Variants in SV2C observed in about 807,000 individuals in gnomAD.
SV2C encodes the protein solute carrier family 22 member B3.
A neutral mutation model predicts 79.7 loss-of-function variants in SV2C; 49 were observed. The observed-to-expected ratio is 0.61, with a 90% CI of 0.49 to 0.78. SV2C has a LOEUF of 0.78. Among genes scored for constraint, SV2C ranks in the 30% least tolerant of loss-of-function variants. The pLI, the probability that SV2C is intolerant of heterozygous loss-of-function variation, is 0.00. For synonymous variants in SV2C, 334 were observed against 333.2 expected (o/e 1.00, Z -0.03); for missense variants, 833 against 912.9 (o/e 0.91, Z 1.13).
chr5:76,247,674 A>G (rs1307817808), intron 4 of SV2C, among the ~76,000 whole-genome samples: 1 of 152,208 alleles, frequency 6.6e-6, no homozygotes, highest in Non-Finnish European at 1.5e-5. Flanking sequence ...GGTAATTCTA[A>G]CAATCTATTG....
chr5:75,853,627 A>AAAAAAG, the SV2C span, among the ~76,000 whole-genome samples: 1 of 146,818 alleles, frequency 6.8e-6, no homozygotes, highest in Non-Finnish European at 1.5e-5. Flanking sequence ...AAAAAAAAAA[A>AAAAAAG]AAAAGAATTT....
intron 2 of SV2C, among the ~76,000 whole-genome samples, chr5:76,149,802 A>G (rs1453320908): frequency 1.3e-5 from 2 of 152,178 alleles, no homozygotes; most frequent in Admixed American, 6.5e-5. Context: ...GTCCCTAATC[A>G]CATTTACAGC....
the SV2C span, among the ~76,000 whole-genome samples, chr5:75,927,862 G>A: frequency 6.6e-6 from 1 of 152,126 alleles, no homozygotes; most frequent in African/African-American, 2.4e-5. Flanking sequence ...AATTTCAAAA[G>A]AAAGGGTGAG....
At chr5:76,226,938 C>A (rs558480038) in intron 4 of SV2C, among the ~76,000 whole-genome samples, 1 of 152,010 alleles carries the variant, frequency 6.6e-6, no homozygotes, top group Non-Finnish European at 1.5e-5. Context: ...GGAAGTTAAG[C>A]GGGCCCCACA....
chr5:76,263,997 A>C, intron 4 of SV2C, among the ~76,000 whole-genome samples: 1 of 152,168 alleles, frequency 6.6e-6, no homozygotes, highest in South Asian at 2.1e-4. Context: ...AGGTTGGGGA[A>C]GTTTTCCCTG....
chr5:76,048,830 T>TG, the SV2C span, among the ~76,000 whole-genome samples: 1 of 110,174 alleles, frequency 9.1e-6, no homozygotes, highest in Non-Finnish European at 1.8e-5. Context: ...AAAAAAATTT[T>TG]GGGGCTGTTT....
chr5:76,283,382 T>A (rs1747254576), intron 4 of SV2C, among the ~76,000 whole-genome samples: 1 of 152,176 alleles, frequency 6.6e-6, no homozygotes, highest in Admixed American at 6.5e-5. Flanking sequence ...CTTGCCTTCG[T>A]TGTTTCCCCC....
At chr5:76,307,411 C>A (rs1457016065) in intron 12 of SV2C, among the ~76,000 whole-genome samples, 1 of 152,052 alleles carries the variant, frequency 6.6e-6, no homozygotes, top group Non-Finnish European at 1.5e-5. Flanking sequence ...GAGGGGACTT[C>A]CTTATTATGC....
the SV2C span, chr5:75,910,849 C>A: frequency 1.0e-5 from 12 of 1,205,232 alleles, no homozygotes; most frequent in Non-Finnish European, 1.5e-5. Flanking sequence ...GGGAAATGAG[C>A]AAGCTGAACT....
chr5:76,317,618 C>T (rs1748673952), intron 12 of SV2C, among the ~76,000 whole-genome samples: 1 of 151,896 alleles, frequency 6.6e-6, no homozygotes. Flanking sequence ...TCACTTGAGC[C>T]CAGGGGTTCA....
At chr5:76,293,165 G>A (rs894535700) in intron 8 of SV2C, among the ~76,000 whole-genome samples, 6 of 151,372 alleles carry the variant, frequency 4.0e-5, no homozygotes, top group African/African-American at 1.5e-4. Context: ...GGTTGACTTA[G>A]AATATGTAAA....
At chr5:75,949,672 T>C in the SV2C span, among the ~76,000 whole-genome samples, 4 of 152,038 alleles carry the variant, frequency 2.6e-5, no homozygotes, top group Non-Finnish European at 5.9e-5. Context: ...TTTTTTCTTG[T>C]CTGCCACCAT....
chr5:76,135,415 A>G (rs997427504), intron 2 of SV2C, among the ~76,000 whole-genome samples: 5 of 152,058 alleles, frequency 3.3e-5, no homozygotes, highest in Non-Finnish European at 5.9e-5. Context: ...GCTGAATACT[A>G]TTTATGGGGC....
intron 1 of SV2C, among the ~76,000 whole-genome samples, chr5:76,094,153 C>A (rs899986914): frequency 6.6e-6 from 1 of 152,158 alleles, no homozygotes; most frequent in Non-Finnish European, 1.5e-5. Flanking sequence ...AACTGTGAGT[C>A]TCCTGAGAAA....
the SV2C span, among the ~76,000 whole-genome samples, chr5:75,967,306 G>C: frequency 6.6e-6 from 1 of 152,188 alleles, no homozygotes; most frequent in Non-Finnish European, 1.5e-5. Flanking sequence ...TCTCACTGGG[G>C]AGTGCTGGAC....
intron 3 of SV2C, among the ~76,000 whole-genome samples, chr5:76,206,652 C>G (rs188485418): frequency 6.6e-6 from 1 of 152,182 alleles, no homozygotes; most frequent in Non-Finnish European, 1.5e-5. Context: ...AAATTCAGTT[C>G]TTTTGCGTAA....
At position 76,327,378 on chromosome 5, in the gene SV2C, T is replaced by G. The variant is rs898074193; in HGVS notation, c.*1831T>G. On this transcript the variant is annotated 3_prime_UTR_variant, in exon 13 of 13. Transcript: ENST00000502798. ...AGGTGGCAGGAAGAAGAAAAATCAC[T>G]GAAGGCTAGACAAGATGCATTTGAA... is the stretch of plus-strand genomic sequence containing the variant. The G allele has an allele frequency of 1.6e-4, 25 of 152,230 alleles. No homozygotes were observed. Among genetic ancestry groups the G allele is most frequent in the African/African-American group, 6.0e-4 (25 of 41,418 alleles). 9.4% of individuals were successfully genotyped at this position (152,230 alleles called of 1,614,324 possible). A position where few individuals can be genotyped will look rare whatever the true frequency, so the allele number is the denominator to read the frequency against.
intron 10 of SV2C, among the ~76,000 whole-genome samples, chr5:76,299,888 T>G (rs1275549554): frequency 2.6e-5 from 4 of 152,164 alleles, no homozygotes; most frequent in Non-Finnish European, 4.4e-5. Context: ...CTTGGATGGT[T>G]TCAAATTCAA....
chr5:75,933,138 T>C, the SV2C span, among the ~76,000 whole-genome samples: 1 of 152,202 alleles, frequency 6.6e-6, no homozygotes, highest in East Asian at 1.9e-4. Context: ...TATCCATTAG[T>C]GCTTAACTTG....
Sources: allele counts gnomAD v4.1 joint callset (sites outside exome capture counted in the v4.1 genomes callset), GRCh38; gene constraint gnomAD v4.1.1; transcripts MANE v1.5; gene names NCBI Gene and HGNC (gene_info 2026-07-23, HGNC 2026-07-21).